Variants in CCNA1 observed in about 807,000 individuals in gnomAD.
The protein encoded by CCNA1 is cyclin-A1.
A neutral mutation model predicts 54.1 loss-of-function variants in CCNA1; 23 were observed. That is an observed-to-expected ratio of 0.42 (90% CI 0.31 to 0.60). The LOEUF is 0.60. CCNA1 is among the 20% of genes least tolerant of loss of function. The pLI, the probability that CCNA1 is intolerant of heterozygous loss-of-function variation, is 0.14. For synonymous variants in CCNA1, 208 were observed against 213.9 expected (o/e 0.97, Z 0.24); for missense variants, 450 against 556.7 (o/e 0.81, Z 1.93).
At chr13:36,434,666 C>A (rs2055778295) in intron 2 of CCNA1, among the ~76,000 whole-genome samples, 1 of 151,866 alleles carries the variant, frequency 6.6e-6, no homozygotes, top group South Asian at 2.1e-4. Flanking sequence ...TCCTCAGTAA[C>A]CTCCTCCTTC....
At chr13:36,438,493 T>A in intron 4 of CCNA1, 151 bp from the exon 5 acceptor site, 4 of 672,998 alleles carry the variant, frequency 5.9e-6, no homozygotes. Flanking sequence ...ACCAGAAATT[T>A]ACACTTTCTT....
At chr13:36,442,398 A>G (rs1245510416) in intron 8 of CCNA1, 94 bp downstream of exon 8, 1 of 1,389,866 alleles carries the variant, frequency 7.2e-7, no homozygotes, top group Non-Finnish European at 1.0e-6. Flanking sequence ...TAAATTGTGT[A>G]TCTGGTGCCA....
Position 36,438,649 on chromosome 13 carries a change from G to T in CCNA1, c.675G>T (p.Arg225Ser). ...CAAAACCTTTTCCCAATCAGATAAG[G>T]CACAGACCCAAAGCACACTACATGA... The change falls in exon 5 of 9, where the codon AGG becomes AGT. Residue 225 changes from arginine to serine, a missense_variant. This residue lies in a region of CCNA1 where 150 missense variants were observed against 219.7 expected (regional missense o/e 0.68). Coordinates refer to ENST00000255465, the MANE Select transcript of CCNA1 (RefSeq NM_003914.4). The T allele has an allele frequency of 6.2e-7, 1 of 1,613,048 alleles. No homozygotes were observed. Among genetic ancestry groups the T allele is most frequent in the Non-Finnish European group, 8.5e-7 (1 of 1,179,474 alleles).
rs919080854 is a variant in CCNA1, at chr13:36,438,328, A to C, written c.669+137A>C. On this transcript the variant is annotated intron_variant, in intron 4 of 8. Coordinates refer to ENST00000255465, the MANE Select transcript of CCNA1 (RefSeq NM_003914.4). ...AAACATAAGAATATCTATGAAAAAT[A>C]ATAGTTGTGATGGCAAGTCGCAATT... 27 of 801,112 alleles carry C rather than the reference A, an allele frequency of 3.4e-5. No homozygotes were observed. In the Admixed American group the frequency reaches 4.2e-4, roughly 12 times the overall value. 49.6% of individuals were successfully genotyped at this position (801,112 alleles called of 1,614,324 possible).
chr13:36,439,614 T>G (rs1215687305), intron 5 of CCNA1, among the ~76,000 whole-genome samples: 1 of 152,254 alleles, frequency 6.6e-6, no homozygotes, highest in Non-Finnish European at 1.5e-5. Context: ...TATCACTGTG[T>G]TGATCTTAAC....
intron 2 of CCNA1, among the ~76,000 whole-genome samples, chr13:36,436,439 G>A (rs1282875779): frequency 6.6e-6 from 1 of 152,162 alleles, no homozygotes; most frequent in Non-Finnish European, 1.5e-5. Flanking sequence ...CATCAAGGTA[G>A]TTCTTTTTAA....
chr13:36,432,592 C>T lies in CCNA1; in HGVS notation c.-30C>T. The T allele has an allele frequency of 6.9e-7, 1 of 1,452,974 alleles. No homozygotes were observed. Among genetic ancestry groups the T allele is most frequent in the Non-Finnish European group, 9.3e-7 (1 of 1,069,778 alleles). 90.0% of individuals were successfully genotyped at this position (1,452,974 alleles called of 1,614,324 possible). A position where few individuals can be genotyped will look rare whatever the true frequency, so the allele number is the denominator to read the frequency against. On this transcript the variant is annotated 5_prime_UTR_variant, in exon 1 of 9. Coordinates refer to ENST00000255465, the MANE Select transcript of CCNA1 (RefSeq NM_003914.4). ...GGCCTCCTGTCTGGTGGGAGGAGGC[C>T]GCAGCGCAGCACCCTGCTCGTCACT...
rs66486755 is a variant in CCNA1, at chr13:36,433,430, C to CT, written c.297+212dup. 6.2e-3 allele frequency among the ~76,000 whole-genome samples: 641 copies of CT among 103,588 alleles called. 23 individuals carry two copies. The highest frequency in any genetic ancestry group is 0.023 in the African/African-American group (613 of 26,866). The allele number at this position is 103,588 out of a possible 152,430, so 68.0% of individuals were successfully genotyped here. ...TCTTTCTTTCTTTCTTTCTTTCTTT[C>CT]TTTCTTTCTTTCGTTCTTTCTTTCT... On this transcript the variant is annotated intron_variant, in intron 2 of 8. Transcript: ENST00000255465.
intron 7 of CCNA1, among the ~76,000 whole-genome samples, chr13:36,441,863 G>A (rs1362805112): frequency 2.6e-5 from 4 of 151,454 alleles, no homozygotes; most frequent in Admixed American, 1.3e-4. Context: ...TTTTCATGTT[G>A]TGTACAAATA....
At chr13:36,433,443 G>GTTCGTTCTTTCT (rs1491577879) in intron 2 of CCNA1, among the ~76,000 whole-genome samples, 1 of 53,766 alleles carries the variant, frequency 1.9e-5, no homozygotes, top group African/African-American at 6.2e-5. Flanking sequence ...TCTTTCTTTC[G>GTTCGTTCTTTCT]TTCTTTCTTT....
At chr13:36,438,258 A>G in intron 4 of CCNA1, 67 bp downstream of exon 4, 1 of 1,440,472 alleles carries the variant, frequency 6.9e-7, no homozygotes, top group Non-Finnish European at 9.5e-7. Flanking sequence ...TAAATTATAA[A>G]CTCTTGGTCC....
chr13:36,436,732 G>A (rs553240424), intron 2 of CCNA1, among the ~76,000 whole-genome samples: 2 of 152,246 alleles, frequency 1.3e-5, no homozygotes, highest in African/African-American at 4.8e-5. Context: ...ACAGACATAA[G>A]TCACCTATTT....
chr13:36,442,705 T>G lies in CCNA1; in HGVS notation c.*40T>G. 1 of 1,545,374 alleles carries G rather than the reference T, an allele frequency of 6.5e-7. No homozygotes were observed. ...GCACTTCCAGAACTTCACCTCCATA[T>G]CAGAAGTGCCAATAATCGTCATAGG... On this transcript the variant is annotated 3_prime_UTR_variant, in exon 9 of 9. Transcript: ENST00000255465.
intron 4 of CCNA1, among the ~76,000 whole-genome samples, 194 bp downstream of exon 4, chr13:36,438,385 T>G (rs2055833864): frequency 6.6e-6 from 1 of 152,170 alleles, no homozygotes; most frequent in Non-Finnish European, 1.5e-5. Flanking sequence ...TTCAAAGGGT[T>G]TATATGTTAA....
rs963120906 is a variant in CCNA1, at chr13:36,441,393, G to C, written c.1212+162G>C. Among the ~76,000 whole-genome samples the C allele has an allele frequency of 4.6e-5, 7 of 152,256 alleles. No individual in the cohort carries two copies. The South Asian group carries it at 8.3e-4, about 18-fold the overall frequency. ...CAGTCATGATGGCTTTGACTCAATG[G>C]CTTCACTCTATGAGGACTGAGATTG... On this transcript the variant is annotated intron_variant, in intron 7 of 8. Transcript: ENST00000255465.
chr13:36,436,558 A>G (rs2055807830), intron 2 of CCNA1, among the ~76,000 whole-genome samples: 1 of 152,244 alleles, frequency 6.6e-6, no homozygotes, highest in Admixed American at 6.5e-5. Context: ...TGGACACAGT[A>G]TCTATGTAGC....
At chr13:36,441,274 T>A in intron 7 of CCNA1, 43 bp downstream of exon 7, 1 of 1,225,352 alleles carries the variant, frequency 8.2e-7, no homozygotes, top group Non-Finnish European at 1.2e-6. Context: ...AAGGTCTATC[T>A]AGAATGGGCT....
At position 36,442,441 on chromosome 13, in the gene CCNA1, A is replaced by G. The variant is rs566883717; in HGVS notation, c.1346+137A>G. On this transcript the variant is annotated intron_variant, in intron 8 of 8. Transcript: ENST00000255465. ...AAAGTAAGGGTACGTGTACAAATTT[A>G]CAAATAAATTTGAAAAGACCTAGAT... 6.1e-6 allele frequency: 7 copies of G among 1,146,122 alleles called. No homozygotes were observed. The African/African-American group carries it at 1.1e-4, about 18-fold the overall frequency. 71.0% of individuals were successfully genotyped at this position (1,146,122 alleles called of 1,614,324 possible).
At chr13:36,439,095 T>C (rs1289990469) in intron 5 of CCNA1, among the ~76,000 whole-genome samples, 1 of 152,244 alleles carries the variant, frequency 6.6e-6, no homozygotes, top group African/African-American at 2.4e-5. Flanking sequence ...TTCAGTGTCA[T>C]GACTAAGGCA....
Sources: allele counts gnomAD v4.1 joint callset (sites outside exome capture counted in the v4.1 genomes callset), GRCh38; gene constraint gnomAD v4.1.1; regional missense constraint gnomAD v4.1.1; transcripts MANE v1.5; gene names NCBI Gene and HGNC (gene_info 2026-07-23, HGNC 2026-07-21).